The following KRABD5 variants were observed in gnomAD, a reference collection of about 807,000 sequenced individuals.
The protein encoded by KRABD5 is KRAB domain containing 5.
chr16:31,735,946 G>T, the KRABD5 span, among the ~76,000 whole-genome samples: 2 of 152,068 alleles, frequency 1.3e-5, no homozygotes, highest in Admixed American at 1.3e-4. Context: ...TTTTGCTTAG[G>T]TTGCCTTTGC....
At chr16:31,733,402 T>G in the KRABD5 span, 10 of 412,648 alleles carry the variant, frequency 2.4e-5, no homozygotes, top group Admixed American at 1.1e-4. Context: ...ACATTTTTAA[T>G]GGTGAAAACA....
the KRABD5 span, chr16:31,753,898 A>C: frequency 6.4e-7 from 1 of 1,551,186 alleles, no homozygotes; most frequent in Non-Finnish European, 8.7e-7. Context: ...TGGGAAAGTG[A>C]GGGTAAGTGT....
the KRABD5 span, among the ~76,000 whole-genome samples, chr16:31,727,287 G>A: frequency 6.6e-6 from 1 of 151,982 alleles, no homozygotes; most frequent in Non-Finnish European, 1.5e-5. Flanking sequence ...TTACCTAATT[G>A]CTCTTGTTGC....
the KRABD5 span, chr16:31,755,642 AAAG>A: frequency 2.1e-6 from 1 of 484,220 alleles, no homozygotes; most frequent in Non-Finnish European, 4.2e-6. Flanking sequence ...CTACAAATGT[AAAG>A]AATGTGGCAA....
At chr16:31,740,082 A>G in the KRABD5 span, among the ~76,000 whole-genome samples, 2 of 152,218 alleles carry the variant, frequency 1.3e-5, no homozygotes, top group African/African-American at 4.8e-5. Context: ...ATATGTGGGT[A>G]AATCTCTGTT....
chr16:31,724,371 GTT>G, the KRABD5 span, among the ~76,000 whole-genome samples: 33 of 152,016 alleles, frequency 2.2e-4, no homozygotes, highest in African/African-American at 7.7e-4. Context: ...TAGTTGCCAG[GTT>G]TTTTGTGGAG....
chr16:31,724,532 CA>C, the KRABD5 span, among the ~76,000 whole-genome samples: 4,868 of 146,390 alleles, frequency 0.033, 251 homozygotes, highest in African/African-American at 0.11. Context: ...CTAAAAAATA[CA>C]AAAAAAAAAT....
chr16:31,736,563 G>A, the KRABD5 span, among the ~76,000 whole-genome samples: 1 of 148,312 alleles, frequency 6.7e-6, no homozygotes, highest in African/African-American at 2.5e-5. Flanking sequence ...TGTCACCCAG[G>A]TTGGAGTGCA....
At chr16:31,745,046 T>A in the KRABD5 span, among the ~76,000 whole-genome samples, 1 of 152,180 alleles carries the variant, frequency 6.6e-6, no homozygotes, top group Non-Finnish European at 1.5e-5. Context: ...GTCAATCTAT[T>A]TTGTTAGCTT....
the KRABD5 span, chr16:31,760,815 C>G: frequency 6.6e-6 from 1 of 152,158 alleles, no homozygotes; most frequent in African/African-American, 2.4e-5. Flanking sequence ...TCCAGTTTCT[C>G]TGATGATAAG....
the KRABD5 span, among the ~76,000 whole-genome samples, chr16:31,742,059 C>G: frequency 9.2e-5 from 14 of 151,978 alleles, no homozygotes; most frequent in Middle Eastern, 3.2e-3. Context: ...TTCACTATTG[C>G]TTATTTTTGT....
chr16:31,730,705 A>G, the KRABD5 span, among the ~76,000 whole-genome samples: 2 of 152,080 alleles, frequency 1.3e-5, no homozygotes, highest in African/African-American at 4.8e-5. Flanking sequence ...ATGATATACT[A>G]TACAGGCTAT....
the KRABD5 span, chr16:31,755,601 G>T: frequency 2.1e-6 from 1 of 473,268 alleles, no homozygotes. Flanking sequence ...AACCTTAGAC[G>T]ACATCAGATG....
chr16:31,742,782 T>A, the KRABD5 span, among the ~76,000 whole-genome samples: 13 of 152,234 alleles, frequency 8.5e-5, no homozygotes, highest in Non-Finnish European at 1.9e-4. Flanking sequence ...CCACTAACAT[T>A]GTAAAAACGT....
At chr16:31,721,768 T>G in the KRABD5 span, among the ~76,000 whole-genome samples, 3 of 152,240 alleles carry the variant, frequency 2.0e-5, no homozygotes, top group African/African-American at 7.2e-5. Flanking sequence ...GAATTCTTCG[T>G]TCAGTGTTCA....
the KRABD5 span, among the ~76,000 whole-genome samples, chr16:31,745,452 A>G: frequency 6.6e-6 from 1 of 151,904 alleles, no homozygotes; most frequent in Non-Finnish European, 1.5e-5. Flanking sequence ...CTTAATGGTG[A>G]TTTCTAATTT....
At chr16:31,721,260 A>G in the KRABD5 span, among the ~76,000 whole-genome samples, 75 of 152,218 alleles carry the variant, frequency 4.9e-4, no homozygotes, top group African/African-American at 1.7e-3. Context: ...CTTTTCATGT[A>G]TGTATAGTTA....
the KRABD5 span, among the ~76,000 whole-genome samples, chr16:31,731,949 A>G: frequency 1.3e-5 from 2 of 152,200 alleles, no homozygotes; most frequent in Non-Finnish European, 2.9e-5. Context: ...GTTGACAGAG[A>G]TAGATTTTGC....
chr16:31,731,404 A>G, the KRABD5 span, among the ~76,000 whole-genome samples: 1 of 152,210 alleles, frequency 6.6e-6, no homozygotes, highest in South Asian at 2.1e-4. Context: ...GTTCTAAGAT[A>G]AGGAATTGTA....
Sources: allele counts gnomAD v4.1 joint callset (sites outside exome capture counted in the v4.1 genomes callset), GRCh38; gene constraint gnomAD v4.1.1; transcripts MANE v1.5; gene names NCBI Gene and HGNC (gene_info 2026-07-23, HGNC 2026-07-21).